The following KATNAL2 variants were observed in gnomAD, a reference collection of about 807,000 sequenced individuals.
The protein encoded by KATNAL2 is katanin p60 ATPase-containing subunit A-like 2.
Under a neutral mutation model 76.3 loss-of-function variants are expected in KATNAL2, and 52 were observed. The observed-to-expected ratio is 0.68, with a 90% CI of 0.55 to 0.86. The LOEUF (loss-of-function observed/expected upper bound fraction) is 0.86, where lower values mean the gene tolerates loss of function less well. Ranked by LOEUF, KATNAL2 falls within the 40% of genes least tolerant of loss-of-function variation. The pLI, the probability that KATNAL2 is intolerant of heterozygous loss-of-function variation, is 0.00. For synonymous variants in KATNAL2, 243 were observed against 244.2 expected, an observed-to-expected ratio of 1.00 and a Z score of 0.05; for missense variants, 660 against 668.9, an observed-to-expected ratio of 0.99 and a Z score of 0.15.
chr18:47,059,997 ATTT>A (rs34651069), intron 8 of KATNAL2, among the ~76,000 whole-genome samples: 4 of 146,288 alleles, frequency 2.7e-5, no homozygotes, highest in African/African-American at 1.0e-4. Flanking sequence ...CGTTCTCATC[ATTT>A]TTTTTTTTTT....
Position 47,075,272 on chromosome 18 carries a change from C to T in KATNAL2, c.1009-5C>T, listed in dbSNP as rs1432755013. On this transcript the variant is annotated splice_region_variant and splice_polypyrimidine_tract_variant and intron_variant, in intron 13 of 17. Coordinates refer to ENST00000683218, the MANE Select transcript of KATNAL2 (RefSeq NM_001387690.1). ...TGAACACTTGCTTGCTTTTCCCCCA[C>T]CCAGGTGTTATTTGAGCTTGCCCGC... 1 of 1,545,306 alleles carries T rather than the reference C, an allele frequency of 6.5e-7. No homozygotes were observed. The highest frequency in any genetic ancestry group is 8.7e-7 in the Non-Finnish European group (1 of 1,153,858).
intron 3 of KATNAL2, among the ~76,000 whole-genome samples, chr18:46,958,207 C>A (rs1341043116): frequency 6.6e-6 from 1 of 151,854 alleles, no homozygotes; most frequent in East Asian, 1.9e-4. Context: ...TAGATTAGAA[C>A]CACACCATCT....
intron 10 of KATNAL2, among the ~76,000 whole-genome samples, chr18:47,065,986 A>C (rs1569104670): frequency 6.6e-6 from 1 of 151,674 alleles, no homozygotes; most frequent in African/African-American, 2.4e-5. Flanking sequence ...AAAATAAATA[A>C]AAATTTAAAA....
intron 4 of KATNAL2, among the ~76,000 whole-genome samples, chr18:47,050,514 T>G (rs1021878952): frequency 6.6e-6 from 1 of 152,246 alleles, no homozygotes; most frequent in African/African-American, 2.4e-5. Flanking sequence ...AAAAGTCAGA[T>G]GTAGTTGTTA....
chr18:47,085,581 C>A (rs537692334), intron 15 of KATNAL2, among the ~76,000 whole-genome samples: 4 of 152,032 alleles, frequency 2.6e-5, no homozygotes, highest in Non-Finnish European at 5.9e-5. Context: ...TTTCTGATGA[C>A]CCACGACTCC....
intron 15 of KATNAL2, among the ~76,000 whole-genome samples, chr18:47,088,577 A>G (rs568583153): frequency 7.6e-4 from 115 of 152,044 alleles, no homozygotes; most frequent in African/African-American, 2.6e-3. Flanking sequence ...TTAATTAATA[A>G]ATTTATTCAT....
chr18:46,932,232 A>C (rs2058948567), intron 1 of KATNAL2, among the ~76,000 whole-genome samples: 1 of 152,142 alleles, frequency 6.6e-6, no homozygotes, highest in East Asian at 1.9e-4. Flanking sequence ...ATTTTCAAGA[A>C]AAGCATTAGA....
intron 10 of KATNAL2, 139 bp from the exon 11 acceptor site, chr18:47,066,882 T>A (rs201530608): frequency 0.042 from 2,658 of 63,096 alleles, 315 homozygotes; most frequent in South Asian, 0.11. Flanking sequence ...TATATATATA[T>A]ATATATATAT....
At chr18:46,948,768 C>T (rs2059459185) in intron 3 of KATNAL2, among the ~76,000 whole-genome samples, 1 of 152,080 alleles carries the variant, frequency 6.6e-6, no homozygotes, top group African/African-American at 2.4e-5. Context: ...CTCCCCCAAC[C>T]TACCTCAACT....
intron 16 of KATNAL2, 53 bp from the exon 17 acceptor site, chr18:47,100,201 T>C (rs2063406502): frequency 1.5e-6 from 2 of 1,300,522 alleles, no homozygotes; most frequent in Admixed American, 1.7e-5. Flanking sequence ...AACAACGTAA[T>C]GGCCAGGAGC....
intron 5 of KATNAL2, 113 bp downstream of exon 5, chr18:47,053,159 C>A: frequency 2.4e-6 from 2 of 848,888 alleles, no homozygotes; most frequent in Non-Finnish European, 3.6e-6. Context: ...AAGGAGTAGG[C>A]CAGGAGGATT....
At chr18:47,093,532 CT>C (rs912115319) in intron 15 of KATNAL2, among the ~76,000 whole-genome samples, 5 of 147,974 alleles carry the variant, frequency 3.4e-5, no homozygotes, top group East Asian at 2.0e-4. Flanking sequence ...GTTTGTGTGT[CT>C]TTTTTTTTCT....
At chr18:47,099,018 CCTTT>C (rs1429118130) in intron 15 of KATNAL2, 6 of 394,880 alleles carry the variant, frequency 1.5e-5, no homozygotes, top group Admixed American at 4.2e-5. Context: ...TCTTCTCCTT[CCTTT>C]CTGCTTTCCT....
At chr18:46,918,600 T>C (rs999408292) in intron 1 of KATNAL2, among the ~76,000 whole-genome samples, 1 of 152,110 alleles carries the variant, frequency 6.6e-6, no homozygotes, top group African/African-American at 2.4e-5. Context: ...GATTGTATTT[T>C]TGGTAGAAAC....
chr18:46,929,131 A>G (rs1260184636), intron 1 of KATNAL2, among the ~76,000 whole-genome samples: 2 of 151,970 alleles, frequency 1.3e-5, no homozygotes, highest in Admixed American at 6.6e-5. Flanking sequence ...TTAGTTTTTT[A>G]TATTTTAACA....
rs200689085 is a variant in KATNAL2, at chr18:46,921,955, CACTTT to C, written c.-510+4034_-510+4038del. On this transcript the variant is annotated intron_variant, in intron 1 of 17. Coordinates refer to ENST00000683218, the MANE Select transcript of KATNAL2 (RefSeq NM_001387690.1). ...CAGGCCTCCCAGATGTTTTCCAAGC[CACTTT>C]ACTTCTTTTGCTAAGCATATATCTA... 4.1e-3 allele frequency among the ~76,000 whole-genome samples: 627 copies of C among 152,186 alleles called. 2 individuals are homozygous for C. Among genetic ancestry groups the C allele is most frequent in the African/African-American group, 0.015 (609 of 41,544 alleles).
Position 46,931,366 on chromosome 18 carries a change from A to C in KATNAL2, c.-510+13440A>C, listed in dbSNP as rs545345188. ...AAAATTAAATAGAATTCAAAATTTA[A>C]AAAGGCAGGGTGTGGTGGCTCACAC... On this transcript the variant is annotated intron_variant, in intron 1 of 17. Transcript: ENST00000683218. 2.6e-4 allele frequency among the ~76,000 whole-genome samples: 40 copies of C among 151,996 alleles called. 2 individuals are homozygous for C. In the South Asian group the frequency reaches 8.3e-3, roughly 32 times the overall value.
intron 3 of KATNAL2, among the ~76,000 whole-genome samples, chr18:46,958,455 T>G (rs2059830927): frequency 6.6e-6 from 1 of 152,160 alleles, no homozygotes; most frequent in African/African-American, 2.4e-5. Context: ...ACACATATAT[T>G]TATACATACA....
chr18:47,083,524 T>C (rs950613071), intron 15 of KATNAL2, among the ~76,000 whole-genome samples: 10 of 152,164 alleles, frequency 6.6e-5, no homozygotes, highest in Non-Finnish European at 1.3e-4. Flanking sequence ...GGGGCAATCA[T>C]TTTCTCCCTT....
Sources: gnomAD v4.1 joint callset for allele counts (sites outside exome capture counted in the v4.1 genomes callset) on GRCh38, gnomAD v4.1.1 for gene constraint, MANE v1.5 for transcripts, NCBI Gene and HGNC (gene_info 2026-07-23, HGNC 2026-07-21) for gene names.